Variants in FOXP1 observed in about 807,000 individuals in gnomAD.
FOXP1 encodes the protein forkhead box P1.
FOXP1 carries 15 observed loss-of-function variants against 98.2 expected under a neutral mutation model. That is an observed-to-expected ratio of 0.15 (90% CI 0.10 to 0.24). FOXP1 has a LOEUF of 0.24. Among genes scored for constraint, FOXP1 ranks in the 10% least tolerant of loss-of-function variants. The pLI is 1.00. For synonymous variants in FOXP1, 371 were observed against 314.5 expected (o/e 1.18, Z -1.90); for missense variants, 633 against 848.5 (o/e 0.75, Z 3.15).
intron 5 of FOXP1, among the ~76,000 whole-genome samples, chr3:71,205,505 T>C (rs1036553437): frequency 3.9e-5 from 6 of 152,076 alleles, no homozygotes; most frequent in Admixed American, 3.9e-4. Flanking sequence ...CAAAAGCATG[T>C]TTTAAAAAAA....
chr3:70,954,846 C>T lies in FOXP1; in HGVS notation c.*4401G>A, dbSNP rs1259058706. On this transcript the variant is annotated 3_prime_UTR_variant, in exon 21 of 21. Coordinates refer to ENST00000649528, the MANE Select transcript of FOXP1 (RefSeq NM_001349338.3). ...GGAATGATGGAATTACAGTTGATGT[C>T]AAGGAATGAGTTTCTTTTATGCCTT... is the stretch of plus-strand genomic sequence containing the variant. 4.3e-6 allele frequency: 1 copy of T among 232,370 alleles called. No homozygotes were observed. The highest frequency in any genetic ancestry group is 6.1e-5 in the East Asian group (1 of 16,494). The allele number at this position is 232,370 out of a possible 1,614,324, so 14.4% of individuals were successfully genotyped here. A position where few individuals can be genotyped will look rare whatever the true frequency, so the allele number is the denominator to read the frequency against.
At chr3:71,531,291 A>G (rs953155330) in intron 2 of FOXP1, among the ~76,000 whole-genome samples, 4 of 152,184 alleles carry the variant, frequency 2.6e-5, no homozygotes, top group Non-Finnish European at 5.9e-5. Flanking sequence ...GTCACTCAGA[A>G]GGGGCCTGCC....
intron 4 of FOXP1, among the ~76,000 whole-genome samples, chr3:71,319,818 C>T (rs1476210935): frequency 6.6e-6 from 1 of 152,176 alleles, no homozygotes; most frequent in East Asian, 1.9e-4. Flanking sequence ...CTTCAGCACC[C>T]TCTTCTCCGC....
At chr3:71,350,191 G>A (rs568526815) in intron 4 of FOXP1, among the ~76,000 whole-genome samples, 3 of 152,208 alleles carry the variant, frequency 2.0e-5, no homozygotes, top group African/African-American at 7.2e-5. Flanking sequence ...CATTTTGACT[G>A]GGCTAAGCTA....
chr3:71,443,226 G>T (rs192676728), intron 3 of FOXP1, among the ~76,000 whole-genome samples: 148 of 152,258 alleles, frequency 9.7e-4, no homozygotes, highest in African/African-American at 3.5e-3. Context: ...CACAATAATT[G>T]TATGTATTCA....
chr3:71,355,248 C>T (rs1243491299), intron 4 of FOXP1, among the ~76,000 whole-genome samples: 1 of 152,192 alleles, frequency 6.6e-6, no homozygotes, highest in Non-Finnish European at 1.5e-5. Flanking sequence ...TCAACAAATA[C>T]CGACTGCATG....
At chr3:71,508,162 A>G (rs960138107) in intron 2 of FOXP1, among the ~76,000 whole-genome samples, 1 of 152,178 alleles carries the variant, frequency 6.6e-6, no homozygotes, top group Non-Finnish European at 1.5e-5. Context: ...GTATATTTCT[A>G]TAGGGGGAAA....
intron 4 of FOXP1, among the ~76,000 whole-genome samples, chr3:71,300,096 GT>G (rs2073717016): frequency 6.6e-6 from 1 of 152,206 alleles, no homozygotes; most frequent in South Asian, 2.1e-4. Flanking sequence ...GTGGGGAAAA[GT>G]CAAGGTGAAA....
chr3:71,483,030 G>C (rs1346247021), intron 3 of FOXP1, among the ~76,000 whole-genome samples: 3 of 151,582 alleles, frequency 2.0e-5, no homozygotes, highest in Non-Finnish European at 4.4e-5. Flanking sequence ...TGTAGAGATG[G>C]GGTCTCACTA....
At chr3:70,998,690 G>C (rs2041719254) in intron 13 of FOXP1, among the ~76,000 whole-genome samples, 1 of 152,146 alleles carries the variant, frequency 6.6e-6, no homozygotes, top group African/African-American at 2.4e-5. Context: ...AGGATAAAAG[G>C]AAATCTAGAA....
intron 2 of FOXP1, among the ~76,000 whole-genome samples, chr3:71,520,895 A>G (rs1391038017): frequency 6.6e-6 from 1 of 152,226 alleles, no homozygotes; most frequent in Non-Finnish European, 1.5e-5. Flanking sequence ...ACCCACGCTG[A>G]GCAGCACATA....
chr3:71,568,367 T>C (rs569873619), intron 2 of FOXP1, among the ~76,000 whole-genome samples: 79 of 152,108 alleles, frequency 5.2e-4, no homozygotes, highest in Non-Finnish European at 9.9e-4. Flanking sequence ...CCTCCTGTTC[T>C]ACAGAGGAAG....
intron 4 of FOXP1, among the ~76,000 whole-genome samples, chr3:71,305,130 A>G (rs966002246): frequency 3.0e-4 from 46 of 152,224 alleles, no homozygotes; most frequent in African/African-American, 9.7e-4. Flanking sequence ...TTAAAAATTC[A>G]CTTTAAAAAA....
intron 3 of FOXP1, among the ~76,000 whole-genome samples, chr3:71,452,945 C>T (rs2087107402): frequency 6.6e-6 from 1 of 152,092 alleles, no homozygotes; most frequent in Admixed American, 6.6e-5. Context: ...ACAATATGGC[C>T]CAAAGTCCTG....
chr3:70,971,943 G>C, intron 18 of FOXP1: 3 of 1,251,610 alleles, frequency 2.4e-6, no homozygotes, highest in Non-Finnish European at 3.1e-6. Context: ...AACTACATGG[G>C]ATGAGTCAAC....
intron 7 of FOXP1, among the ~76,000 whole-genome samples, chr3:71,079,096 A>T (rs2054132429): frequency 6.6e-6 from 1 of 152,194 alleles, no homozygotes; most frequent in Non-Finnish European, 1.5e-5. Context: ...TTGGTAAGTG[A>T]CAGGCAAGGC....
chr3:71,082,218 G>T (rs1165871693), intron 7 of FOXP1, among the ~76,000 whole-genome samples: 1 of 151,312 alleles, frequency 6.6e-6, no homozygotes, highest in East Asian at 1.9e-4. Context: ...GGCAGAGGTT[G>T]CAGTGAGCCG....
chr3:71,012,475 G>A (rs1259090985), intron 12 of FOXP1, among the ~76,000 whole-genome samples: 2 of 152,164 alleles, frequency 1.3e-5, no homozygotes, highest in Non-Finnish European at 2.9e-5. Flanking sequence ...TTCACATCTA[G>A]AAGCAATTTT....
At chr3:71,001,491 G>C (rs1048112821) in intron 12 of FOXP1, among the ~76,000 whole-genome samples, 3 of 152,086 alleles carry the variant, frequency 2.0e-5, no homozygotes, top group Non-Finnish European at 4.4e-5. Flanking sequence ...ATACTGAAAT[G>C]CATTCACGTG....
Sources: gnomAD v4.1 joint callset for allele counts (sites outside exome capture counted in the v4.1 genomes callset) on GRCh38, gnomAD v4.1.1 for gene constraint, MANE v1.5 for transcripts, NCBI Gene and HGNC (gene_info 2026-07-23, HGNC 2026-07-21) for gene names.